The following LTAP1 variants were observed in gnomAD, a reference collection of about 807,000 sequenced individuals.
LTAP1 encodes HCV NS5A-transactivated protein 4.
At chr1:154,218,944 G>A in the LTAP1 span, among the ~76,000 whole-genome samples, 1 of 152,180 alleles carries the variant, frequency 6.6e-6, no homozygotes, top group Non-Finnish European at 1.5e-5. Flanking sequence ...TAACATTTAA[G>A]CTAAGATCAA....
chr1:154,208,080 A>G, the LTAP1 span, among the ~76,000 whole-genome samples: 1 of 151,614 alleles, frequency 6.6e-6, no homozygotes, highest in South Asian at 2.1e-4. Context: ...CCTGGGTGAC[A>G]GAGCAAGACT....
the LTAP1 span, among the ~76,000 whole-genome samples, chr1:154,217,543 T>G: frequency 2.0e-5 from 3 of 152,064 alleles, no homozygotes; most frequent in Non-Finnish European, 4.4e-5. Flanking sequence ...GGTTTTTTTG[T>G]TTTTGGTGAG....
the LTAP1 span, among the ~76,000 whole-genome samples, chr1:154,211,075 C>T: frequency 1.3e-5 from 2 of 151,078 alleles, no homozygotes; most frequent in Non-Finnish European, 2.9e-5. Context: ...GGCATGATAT[C>T]GGCTCATTGC....
the LTAP1 span, chr1:154,214,423 C>G: frequency 7.2e-7 from 1 of 1,384,338 alleles, no homozygotes; most frequent in Non-Finnish European, 1.0e-6. Flanking sequence ...TTGTGGGACT[C>G]CTCACTGAAG....
the LTAP1 span, among the ~76,000 whole-genome samples, chr1:154,216,468 G>C: frequency 6.6e-6 from 1 of 151,776 alleles, no homozygotes; most frequent in Admixed American, 6.6e-5. Flanking sequence ...CTGAGTAGCT[G>C]GGGTTACAGG....
the LTAP1 span, among the ~76,000 whole-genome samples, chr1:154,215,630 T>G: frequency 6.6e-6 from 1 of 151,840 alleles, no homozygotes; most frequent in Admixed American, 6.6e-5. Flanking sequence ...CTATTTTCAG[T>G]TTCATATTAA....
At chr1:154,214,453 A>G in the LTAP1 span, 3 of 1,594,962 alleles carry the variant, frequency 1.9e-6, no homozygotes, top group Admixed American at 5.0e-5. Context: ...AGCTTGCCAC[A>G]TACTTTGATT....
At chr1:154,210,381 G>A in the LTAP1 span, among the ~76,000 whole-genome samples, 1 of 152,120 alleles carries the variant, frequency 6.6e-6, no homozygotes, top group Non-Finnish European at 1.5e-5. Flanking sequence ...CATTTTTAGG[G>A]ACAGAGAGAA....
At chr1:154,208,104 A>G in the LTAP1 span, among the ~76,000 whole-genome samples, 1 of 151,398 alleles carries the variant, frequency 6.6e-6, no homozygotes, top group African/African-American at 2.4e-5. Context: ...TCTCAAAAAA[A>G]AAAAAAGTAG....
chr1:154,212,331 C>T, the LTAP1 span: 1 of 1,614,200 alleles, frequency 6.2e-7, no homozygotes, highest in Non-Finnish European at 8.5e-7. Context: ...CAGTGGCCAG[C>T]TCACTCAGGG....
At chr1:154,214,718 G>A in the LTAP1 span, 19 of 593,396 alleles carry the variant, frequency 3.2e-5, 1 homozygote, top group Admixed American at 5.2e-4. Flanking sequence ...CCAGATAAGA[G>A]GTAAGAATTT....
At chr1:154,210,404 A>G in the LTAP1 span, among the ~76,000 whole-genome samples, 6 of 152,322 alleles carry the variant, frequency 3.9e-5, no homozygotes, top group Non-Finnish European at 7.4e-5. Flanking sequence ...CAGGAGAGAC[A>G]TACCCCTTAA....
the LTAP1 span, chr1:154,220,589 A>C: frequency 3.2e-6 from 2 of 630,490 alleles, no homozygotes; most frequent in South Asian, 1.9e-5. Context: ...CTGGGAAAGG[A>C]GAACGACGCC....
the LTAP1 span, among the ~76,000 whole-genome samples, chr1:154,210,225 G>A: frequency 1.2e-4 from 18 of 152,202 alleles, no homozygotes; most frequent in Non-Finnish European, 2.5e-4. Flanking sequence ...TTTTAGTAGA[G>A]ATGAGGTTTT....
chr1:154,214,762 C>T, the LTAP1 span, among the ~76,000 whole-genome samples: 1 of 152,046 alleles, frequency 6.6e-6, no homozygotes, highest in African/African-American at 2.4e-5. Context: ...CCAATAACCT[C>T]TCCAAGCTGC....
At chr1:154,220,237 A>T in the LTAP1 span, 2 of 1,350,742 alleles carry the variant, frequency 1.5e-6, no homozygotes, top group African/African-American at 2.9e-5. Flanking sequence ...AAGCCCGGAT[A>T]GGCGCAGGTG....
the LTAP1 span, chr1:154,207,565 G>A: frequency 6.2e-7 from 1 of 1,614,184 alleles, no homozygotes; most frequent in South Asian, 1.1e-5. Flanking sequence ...CTGGATGGTT[G>A]TTGGGGAGAC....
At chr1:154,210,065 A>G in the LTAP1 span, among the ~76,000 whole-genome samples, 1 of 151,696 alleles carries the variant, frequency 6.6e-6, no homozygotes, top group Non-Finnish European at 1.5e-5. Context: ...TCTTTTCGAG[A>G]CAGACTCTTG....
At chr1:154,220,299 G>C in the LTAP1 span, 1 of 1,608,906 alleles carries the variant, frequency 6.2e-7, no homozygotes, top group South Asian at 1.1e-5. Flanking sequence ...GTCTCTACTG[G>C]GTAAGATGCG....
Sources: gnomAD v4.1 joint callset for allele counts (sites outside exome capture counted in the v4.1 genomes callset) on GRCh38, gnomAD v4.1.1 for gene constraint, MANE v1.5 for transcripts, NCBI Gene and HGNC (gene_info 2026-07-23, HGNC 2026-07-21) for gene names.